NTN4: variants seen among roughly 807,000 people sequenced by gnomAD.
NTN4 encodes netrin 4.
Under a neutral mutation model 73.6 loss-of-function variants are expected in NTN4, and 32 were observed. The observed-to-expected ratio is 0.44, with a 90% CI of 0.33 to 0.58. NTN4 has a LOEUF of 0.58. Ranked by LOEUF, NTN4 falls within the 20% of genes least tolerant of loss-of-function variation. NTN4 has a pLI of 0.04. For missense variants in NTN4, 654 were observed against 798.3 expected (o/e 0.82, Z 2.18); for synonymous variants, 258 against 287.5 (o/e 0.90, Z 1.04).
At chr12:95,672,249 G>C (rs535827461) in intron 7 of NTN4, 1 of 657,506 alleles carries the variant, frequency 1.5e-6, no homozygotes, top group East Asian at 2.8e-5. Context: ...GGCAGGGGGC[G>C]GGCTGTGATT....
Position 95,666,767 on chromosome 12 carries a change from G to A in NTN4, c.1580-787C>T, listed in dbSNP as rs541888057. On this transcript the variant is annotated intron_variant, in intron 8 of 9. Coordinates refer to ENST00000343702, the MANE Select transcript of NTN4 (RefSeq NM_021229.4). Reference sequence around the variant, plus strand: ...TAGAATATATTTTGCATATTCCAAAGAGATTATATAATATGATTGACTACT... The same window carrying A: ...TAGAATATATTTTGCATATTCCAAAAAGATTATATAATATGATTGACTACT... Among the ~76,000 whole-genome samples the A allele has an allele frequency of 1.8e-3, 279 of 152,298 alleles. 1 individual carries two copies. Among genetic ancestry groups the A allele is most frequent in the Non-Finnish European group, 3.4e-3 (230 of 68,024 alleles).
intron 4 of NTN4, among the ~76,000 whole-genome samples, chr12:95,712,145 T>C (rs539059828): frequency 6.6e-6 from 1 of 152,300 alleles, no homozygotes; most frequent in East Asian, 1.9e-4. Flanking sequence ...AACATTGTGA[T>C]GGGCACGCGC....
At chr12:95,714,026 T>C (rs1009950381) in intron 3 of NTN4, among the ~76,000 whole-genome samples, 1 of 152,190 alleles carries the variant, frequency 6.6e-6, no homozygotes, top group Non-Finnish European at 1.5e-5. Flanking sequence ...ATTGAAAATA[T>C]GTGTATTGTT....
Position 95,672,274 on chromosome 12 carries a change from C to G in NTN4, c.1511-2128G>C, listed in dbSNP as rs547796588. On this transcript the variant is annotated intron_variant, in intron 7 of 9. Transcript: ENST00000343702. Reference sequence around the variant, plus strand: ...GGGCTGTGATTCTAGAATCTGAACCCCAGCTGGCACTGCCTCCCAAGCCCG... The same window carrying G: ...GGGCTGTGATTCTAGAATCTGAACCGCAGCTGGCACTGCCTCCCAAGCCCG... The G allele has an allele frequency of 6.0e-5, 44 of 736,570 alleles. 1 individual carries two copies. In the South Asian group the frequency reaches 6.4e-4, roughly 11 times the overall value. The allele number at this position is 736,570 out of a possible 1,614,324, so 45.6% of individuals were successfully genotyped here.
intron 5 of NTN4, among the ~76,000 whole-genome samples, chr12:95,700,818 T>C (rs1434758151): frequency 1.4e-5 from 2 of 144,350 alleles, no homozygotes; most frequent in African/African-American, 2.6e-5. Flanking sequence ...TTCTTTCTTT[T>C]TTTTTTTTTT....
chr12:95,751,952 C>T (rs1041624746), intron 2 of NTN4, among the ~76,000 whole-genome samples: 2 of 149,956 alleles, frequency 1.3e-5, no homozygotes, highest in South Asian at 2.2e-4. Flanking sequence ...GACGCTTTAA[C>T]TAAATTATCT....
At chr12:95,672,694 C>T in intron 7 of NTN4, 1 of 1,439,116 alleles carries the variant, frequency 6.9e-7, no homozygotes, top group South Asian at 1.1e-5. Context: ...GCCTGACCAT[C>T]CTTTCTACAG....
chr12:95,708,699 C>G (rs1050100369), intron 5 of NTN4, among the ~76,000 whole-genome samples: 3 of 152,092 alleles, frequency 2.0e-5, no homozygotes, highest in Non-Finnish European at 2.9e-5. Flanking sequence ...GCGAGCCACC[C>G]CACCTGGCGT....
At chr12:95,663,696 A>C (rs1253914392) in intron 9 of NTN4, 1 of 152,178 alleles carries the variant, frequency 6.6e-6, no homozygotes, top group Non-Finnish European at 1.5e-5. Flanking sequence ...GGCAAGTTCC[A>C]GTCTTTTCTT....
At chr12:95,769,338 T>G (rs542300344) in intron 2 of NTN4, among the ~76,000 whole-genome samples, 1 of 152,290 alleles carries the variant, frequency 6.6e-6, no homozygotes, top group Admixed American at 6.5e-5. Context: ...CTAAGTATCA[T>G]GTCCATTTTT....
intron 2 of NTN4, among the ~76,000 whole-genome samples, chr12:95,748,249 G>GA (rs1565906085): frequency 7.6e-6 from 1 of 131,542 alleles, no homozygotes. Context: ...AAAAAAAAAA[G>GA]AAAAGAAAAG....
intron 2 of NTN4, among the ~76,000 whole-genome samples, chr12:95,763,561 T>C (rs1009851954): frequency 1.3e-5 from 2 of 152,218 alleles, no homozygotes; most frequent in African/African-American, 4.8e-5. Context: ...CTATAATGTC[T>C]CATATCACAT....
chr12:95,736,725 T>C (rs1158324753), intron 3 of NTN4, among the ~76,000 whole-genome samples: 1 of 152,226 alleles, frequency 6.6e-6, no homozygotes, highest in African/African-American at 2.4e-5. Flanking sequence ...TCTTCAACTC[T>C]GGGAGCCTGG....
At chr12:95,785,057 G>A (rs942599593) in intron 2 of NTN4, among the ~76,000 whole-genome samples, 25 of 152,052 alleles carry the variant, frequency 1.6e-4, no homozygotes, top group African/African-American at 6.0e-4. Flanking sequence ...CCTGCCATCT[G>A]GTTACTCAGA....
intron 5 of NTN4, among the ~76,000 whole-genome samples, chr12:95,709,671 C>T (rs2078548843): frequency 6.6e-6 from 1 of 151,802 alleles, no homozygotes. Flanking sequence ...ATAGCTGAAA[C>T]TACAGGCCTA....
At chr12:95,669,945 GTTA>G (rs905488375) in intron 8 of NTN4, 130 bp downstream of exon 8, 4 of 522,038 alleles carry the variant, frequency 7.7e-6, no homozygotes, top group Non-Finnish European at 1.4e-5. Context: ...TGTGTTTAGT[GTTA>G]TTATGTAAGA....
At position 95,659,234 on chromosome 12, in the gene NTN4, C is replaced by T; in HGVS notation, c.1751-12G>A. On this transcript the variant is annotated splice_polypyrimidine_tract_variant and intron_variant, in intron 9 of 9. Coordinates refer to ENST00000343702, the MANE Select transcript of NTN4 (RefSeq NM_021229.4). Reference sequence around the variant, plus strand: ...AAGGTATTCCAAACCTAAAAAAGAACAAAATTAGGGGCTATACAGTATCAT... The same window carrying T: ...AAGGTATTCCAAACCTAAAAAAGAATAAAATTAGGGGCTATACAGTATCAT... 3 of 1,604,004 alleles carry T rather than the reference C, an allele frequency of 1.9e-6. No individual in the cohort carries two copies. Among genetic ancestry groups the T allele is most frequent in the African/African-American group, 1.3e-5 (1 of 74,432 alleles).
chr12:95,710,517 T>C lies in NTN4; in HGVS notation c.1104A>G (p.Gly368=), dbSNP rs753154964. The stretch of plus-strand genomic sequence containing the variant: ...CTGGCTTGCACCTCTGGCAATACTG[T>C]CCTTCTGTGTTGTGCTGACAGTCAT... ...VCDDCQHNTE[G]QYCQRCKPGF... Residue 368 remains glycine (G), a synonymous_variant, in exon 5 of 10, where the codon GGA becomes GGG. Coordinates refer to ENST00000343702, the MANE Select transcript of NTN4 (RefSeq NM_021229.4). 6.2e-7 allele frequency: 1 copy of C among 1,614,172 alleles called. No individual in the cohort carries two copies. Among genetic ancestry groups the C allele is most frequent in the Non-Finnish European group, 8.5e-7 (1 of 1,180,022 alleles).
At chr12:95,754,627 G>A (rs956499883) in intron 2 of NTN4, among the ~76,000 whole-genome samples, 22 of 152,064 alleles carry the variant, frequency 1.4e-4, no homozygotes, top group Non-Finnish European at 2.8e-4. Flanking sequence ...CCTTAACTGA[G>A]TGATTAACCC....
Sources: gnomAD v4.1 joint callset for allele counts (sites outside exome capture counted in the v4.1 genomes callset) on GRCh38, gnomAD v4.1.1 for gene constraint, MANE v1.5 for transcripts, NCBI Gene and HGNC (gene_info 2026-07-23, HGNC 2026-07-21) for gene names.